Variants in PCDH15 observed in about 807,000 individuals in gnomAD.
PCDH15 encodes the protein protocadherin related 15.
In PCDH15, 129 loss-of-function variants were observed where a neutral mutation model predicts 178.5. The ratio of observed to expected loss-of-function variants is 0.72; its 90% CI spans 0.63 to 0.84. The LOEUF (loss-of-function observed/expected upper bound fraction) is 0.84, where lower values mean the gene tolerates loss of function less well. Ranked by LOEUF, PCDH15 falls within the 40% of genes least tolerant of loss-of-function variation. PCDH15 has a pLI of 0.00. For missense variants in PCDH15, 2,230 were observed against 2,099.9 expected (o/e 1.06, Z -1.21); for synonymous variants, 800 against 732.0 (o/e 1.09, Z -1.50).
At chr10:55,616,382 A>T (rs1485479798) in intron 2 of PCDH15, among the ~76,000 whole-genome samples, 1 of 152,200 alleles carries the variant, frequency 6.6e-6, no homozygotes, top group Non-Finnish European at 1.5e-5. Flanking sequence ...TGGAAAAAGT[A>T]GTCTGTTTTA....
chr10:54,081,437 A>G (rs2094435752), intron 16 of PCDH15, among the ~76,000 whole-genome samples: 1 of 152,144 alleles, frequency 6.6e-6, no homozygotes, highest in African/African-American at 2.4e-5. Flanking sequence ...TTTTAAACAC[A>G]AACAGCTAAT....
At chr10:53,980,607 A>G (rs1394171770) in intron 21 of PCDH15, among the ~76,000 whole-genome samples, 1 of 152,222 alleles carries the variant, frequency 6.6e-6, no homozygotes, top group Non-Finnish European at 1.5e-5. Context: ...ACTAACATCA[A>G]TGTGCTTCAC....
intron 1 of PCDH15, among the ~76,000 whole-genome samples, chr10:54,786,848 A>G (rs1950920052): frequency 6.6e-6 from 1 of 151,884 alleles, no homozygotes; most frequent in East Asian, 1.9e-4. Context: ...AAAATCAAAT[A>G]GGGTATGGCA....
At chr10:54,874,380 C>A (rs1327285606) in intron 3 of PCDH15, among the ~76,000 whole-genome samples, 1 of 149,084 alleles carries the variant, frequency 6.7e-6, no homozygotes, top group African/African-American at 2.5e-5. Flanking sequence ...CATTGTTGGA[C>A]ATTTGGGTTG....
At chr10:54,859,039 T>C (rs1396977027) in intron 3 of PCDH15, among the ~76,000 whole-genome samples, 3 of 152,056 alleles carry the variant, frequency 2.0e-5, no homozygotes, top group African/African-American at 7.2e-5. Context: ...ATGGCCCAGG[T>C]TAGTAGTGTA....
At chr10:54,209,504 TG>T (rs2051179249) in intron 10 of PCDH15, among the ~76,000 whole-genome samples, 1 of 152,026 alleles carries the variant, frequency 6.6e-6, no homozygotes, top group Non-Finnish European at 1.5e-5. Context: ...TTTGAGGAAG[TG>T]GAAGTGTCTA....
chr10:54,958,695 A>C (rs1186813415), intron 2 of PCDH15, among the ~76,000 whole-genome samples: 1 of 151,748 alleles, frequency 6.6e-6, no homozygotes, highest in Non-Finnish European at 1.5e-5. Flanking sequence ...GATAGAAGCT[A>C]GGAAAGAATA....
chr10:55,060,642 CAAGAA>C (rs1841406579), intron 2 of PCDH15, among the ~76,000 whole-genome samples: 1 of 151,360 alleles, frequency 6.6e-6, no homozygotes, highest in African/African-American at 2.4e-5. Context: ...ATACCTTTCA[CAAGAA>C]AAATGGATAA....
At chr10:54,387,655 A>G (rs2135246286) in intron 3 of PCDH15, among the ~76,000 whole-genome samples, 1 of 152,312 alleles carries the variant, frequency 6.6e-6, no homozygotes, top group East Asian at 1.9e-4. Context: ...GAGATGCAGG[A>G]TCCCTCATTC....
intron 2 of PCDH15, among the ~76,000 whole-genome samples, chr10:55,064,790 T>C (rs1841521808): frequency 6.6e-6 from 1 of 152,072 alleles, no homozygotes; most frequent in Non-Finnish European, 1.5e-5. Flanking sequence ...AATTTATACT[T>C]GTGAAGCAAA....
At chr10:53,809,626 G>C (rs1188973536) in intron 37 of PCDH15, 1 of 1,357,214 alleles carries the variant, frequency 7.4e-7, no homozygotes, top group Non-Finnish European at 1.0e-6. Context: ...AGCTACGCAG[G>C]AATGAATCTG....
intron 2 of PCDH15, among the ~76,000 whole-genome samples, chr10:55,544,145 T>C (rs7910502): frequency 6.5e-5 from 4 of 61,588 alleles, no homozygotes; most frequent in Middle Eastern, 7.8e-3. Flanking sequence ...CATACATATA[T>C]ATATATATAT....
At chr10:55,285,108 A>T (rs527400377) in intron 1 of PCDH15, among the ~76,000 whole-genome samples, 9 of 149,414 alleles carry the variant, frequency 6.0e-5, no homozygotes, top group African/African-American at 2.0e-4. Flanking sequence ...TAATTCTTTT[A>T]TATGGTAAAT....
intron 2 of PCDH15, among the ~76,000 whole-genome samples, chr10:55,088,530 T>C (rs1842235336): frequency 6.6e-6 from 1 of 152,046 alleles, no homozygotes; most frequent in African/African-American, 2.4e-5. Flanking sequence ...TGCCTTGGAC[T>C]CCTATAGTGC....
At chr10:54,297,999 A>G (rs2133192013) in intron 8 of PCDH15, among the ~76,000 whole-genome samples, 1 of 152,290 alleles carries the variant, frequency 6.6e-6, no homozygotes, top group African/African-American at 2.4e-5. Flanking sequence ...AGCCGTGCCC[A>G]GTATGGATCC....
intron 3 of PCDH15, among the ~76,000 whole-genome samples, chr10:54,427,410 C>T (rs1453161924): frequency 1.3e-5 from 2 of 150,548 alleles, no homozygotes; most frequent in African/African-American, 4.9e-5. Context: ...TCTTGCATAG[C>T]TGGGATTACA....
chr10:54,289,892 C>T (rs1432160593), intron 8 of PCDH15, among the ~76,000 whole-genome samples: 2 of 152,100 alleles, frequency 1.3e-5, no homozygotes, highest in African/African-American at 4.8e-5. Context: ...AAATATAGGA[C>T]TATGTGAAAA....
At chr10:54,135,021 T>C (rs142812045) in intron 14 of PCDH15, among the ~76,000 whole-genome samples, 4,472 of 151,344 alleles carry the variant, frequency 0.03, 83 homozygotes, top group Middle Eastern at 0.082. Flanking sequence ...ATGACCAACA[T>C]GGAGAAACCC....
intron 2 of PCDH15, among the ~76,000 whole-genome samples, chr10:54,972,673 C>A (rs1166511671): frequency 6.6e-6 from 1 of 151,478 alleles, no homozygotes; most frequent in African/African-American, 2.4e-5. Context: ...CATGGTGAAA[C>A]CCTGTCTCCA....
Sources: allele counts gnomAD v4.1 joint callset (sites outside exome capture counted in the v4.1 genomes callset), GRCh38; gene constraint gnomAD v4.1.1; transcripts MANE v1.5; gene names NCBI Gene and HGNC (gene_info 2026-07-23, HGNC 2026-07-21).